BICC1: variants seen among roughly 807,000 people sequenced by gnomAD.
BICC1 encodes the protein BicC family RNA binding protein 1.
In BICC1, 43 loss-of-function variants were observed where a neutral mutation model predicts 111.0. The observed-to-expected ratio is 0.39, with a 90% CI of 0.30 to 0.50. The LOEUF (loss-of-function observed/expected upper bound fraction) is 0.50, where lower values mean the gene tolerates loss of function less well. Ranked by LOEUF, BICC1 falls within the 20% of genes least tolerant of loss-of-function variation. BICC1 has a pLI of 0.88. For synonymous variants in BICC1, 467 were observed against 434.4 expected (o/e 1.07, Z -0.93); for missense variants, 1,091 against 1,203.2 (o/e 0.91, Z 1.38).
rs943219556 is a variant in BICC1, at chr10:58,818,685, AT to A, written c.2694+973del. 7.3e-5 allele frequency among the ~76,000 whole-genome samples: 11 copies of A among 150,158 alleles called. No individual in the cohort carries two copies. The South Asian group carries it at 8.5e-4, about 12-fold the overall frequency. ...GTGTGTATTAAATTTCAGGGTATTG[AT>A]TTTTTTTTTCTGTTTCCCCTACATC... On this transcript the variant is annotated intron_variant, in intron 19 of 20. Coordinates refer to ENST00000373886, the MANE Select transcript of BICC1 (RefSeq NM_001080512.3).
chr10:58,643,238 A>G (rs934500925), intron 2 of BICC1, among the ~76,000 whole-genome samples: 3 of 152,364 alleles, frequency 2.0e-5, no homozygotes, highest in Admixed American at 2.0e-4. Context: ...GGACAGAAGC[A>G]TTCAAGAGAG....
intron 2 of BICC1, among the ~76,000 whole-genome samples, chr10:58,625,461 T>G (rs1282267997): frequency 1.3e-5 from 2 of 150,974 alleles, no homozygotes; most frequent in Non-Finnish European, 3.0e-5. Context: ...GAAAGCCAGG[T>G]TTTTTTTTGT....
Position 58,591,272 on chromosome 10 carries a change from A to G in BICC1, c.191-29583A>G, listed in dbSNP as rs143435564. 2.7e-3 allele frequency among the ~76,000 whole-genome samples: 404 copies of G among 152,304 alleles called. 6 individuals are homozygous for G. The highest frequency in any genetic ancestry group is 0.023 in the Admixed American group (358 of 15,302). ...GGAAAGGGGGACACTTTCTTTGGTC[A>G]AGACGGAAAAACAGATTCATGTTAC... On this transcript the variant is annotated intron_variant, in intron 1 of 20. Transcript: ENST00000373886.
At chr10:58,632,393 A>T (rs1391925284) in intron 2 of BICC1, among the ~76,000 whole-genome samples, 1 of 152,192 alleles carries the variant, frequency 6.6e-6, no homozygotes, top group Non-Finnish European at 1.5e-5. Context: ...CAGAGGGGGA[A>T]GGGTGGCCCT....
chr10:58,586,826 C>G (rs1844446637), intron 1 of BICC1, among the ~76,000 whole-genome samples: 1 of 152,130 alleles, frequency 6.6e-6, no homozygotes, highest in Non-Finnish European at 1.5e-5. Flanking sequence ...TATGTGTCTG[C>G]AAGTGCGTGT....
intron 2 of BICC1, among the ~76,000 whole-genome samples, chr10:58,642,531 C>T (rs940397696): frequency 6.6e-6 from 1 of 152,116 alleles, no homozygotes; most frequent in Admixed American, 6.5e-5. Context: ...ACCGTGCCCT[C>T]AACGTCTAGC....
chr10:58,590,688 A>G (rs912170780), intron 1 of BICC1, among the ~76,000 whole-genome samples: 1 of 152,200 alleles, frequency 6.6e-6, no homozygotes, highest in Non-Finnish European at 1.5e-5. Flanking sequence ...TCCACAGCCT[A>G]ATGGAAAGTG....
intron 1 of BICC1, among the ~76,000 whole-genome samples, chr10:58,533,121 CT>C (rs1280843661): frequency 1.3e-5 from 2 of 151,782 alleles, no homozygotes; most frequent in African/African-American, 4.8e-5. Flanking sequence ...AAACCCAAAG[CT>C]TTAGAAGAAA....
intron 2 of BICC1, among the ~76,000 whole-genome samples, chr10:58,683,369 C>G (rs1839601403): frequency 6.6e-6 from 1 of 152,094 alleles, no homozygotes; most frequent in Admixed American, 6.6e-5. Flanking sequence ...AATGCGGGCT[C>G]TTTTTTGGAT....
chr10:58,558,851 A>G (rs1843528925), intron 1 of BICC1, among the ~76,000 whole-genome samples: 1 of 152,060 alleles, frequency 6.6e-6, no homozygotes. Context: ...CACATAATGG[A>G]AAGGGCAAGG....
intron 3 of BICC1, among the ~76,000 whole-genome samples, chr10:58,704,919 C>T (rs1212759999): frequency 6.6e-6 from 1 of 152,194 alleles, no homozygotes; most frequent in Non-Finnish European, 1.5e-5. Flanking sequence ...CCCTTCTTTA[C>T]CTTACTGGAA....
intron 2 of BICC1, among the ~76,000 whole-genome samples, chr10:58,691,372 T>C (rs567674889): frequency 6.6e-6 from 1 of 152,344 alleles, no homozygotes; most frequent in East Asian, 1.9e-4. Flanking sequence ...CTAATATTTC[T>C]GAAGAAATTA....
intron 2 of BICC1, among the ~76,000 whole-genome samples, chr10:58,694,064 C>A (rs1312142397): frequency 6.6e-6 from 1 of 152,128 alleles, no homozygotes; most frequent in African/African-American, 2.4e-5. Context: ...TCACTAAGTT[C>A]CTATGGCTGA....
chr10:58,688,479 T>C (rs1045329926), intron 2 of BICC1, among the ~76,000 whole-genome samples: 4 of 151,904 alleles, frequency 2.6e-5, no homozygotes, highest in Non-Finnish European at 5.9e-5. Context: ...AGTCCCCCCC[T>C]GACCCAGAAG....
intron 2 of BICC1, among the ~76,000 whole-genome samples, chr10:58,642,666 T>TTTA (rs138889861): frequency 8.8e-5 from 13 of 148,206 alleles, no homozygotes; most frequent in African/African-American, 3.0e-4. Context: ...ATATGAACCA[T>TTTA]TTATTATTAT....
chr10:58,706,833 T>C (rs1321975028), intron 3 of BICC1, among the ~76,000 whole-genome samples: 1 of 152,232 alleles, frequency 6.6e-6, no homozygotes, highest in Non-Finnish European at 1.5e-5. Context: ...AGCTCTTTCC[T>C]TTATAAATTA....
intron 2 of BICC1, among the ~76,000 whole-genome samples, chr10:58,664,534 T>C (rs1362840715): frequency 5.3e-5 from 8 of 152,190 alleles, no homozygotes; most frequent in Admixed American, 4.6e-4. Context: ...ATGTCTCTGG[T>C]AAAATTTCCC....
At chr10:58,564,090 G>A (rs1298199261) in intron 1 of BICC1, among the ~76,000 whole-genome samples, 1 of 152,020 alleles carries the variant, frequency 6.6e-6, no homozygotes, top group African/African-American at 2.4e-5. Flanking sequence ...AATATTTTTT[G>A]TTTTAACTTT....
chr10:58,636,795 C>T (rs1019069492), intron 2 of BICC1, among the ~76,000 whole-genome samples: 4 of 152,126 alleles, frequency 2.6e-5, no homozygotes, highest in Non-Finnish European at 5.9e-5. Context: ...AGTTCTCCTG[C>T]TTAGAAAATG....
Sources: allele counts gnomAD v4.1 joint callset (sites outside exome capture counted in the v4.1 genomes callset), GRCh38; gene constraint gnomAD v4.1.1; transcripts MANE v1.5; gene names NCBI Gene and HGNC (gene_info 2026-07-23, HGNC 2026-07-21).